Variants in EPHA5 observed in about 807,000 individuals in gnomAD.
EPHA5 encodes EPH receptor A5.
Under a neutral mutation model 105.0 loss-of-function variants are expected in EPHA5, and 60 were observed. The ratio of observed to expected loss-of-function variants is 0.57; its 90% confidence interval spans 0.46 to 0.71. The LOEUF (loss-of-function observed/expected upper bound fraction) is 0.71, where lower values mean the gene tolerates loss of function less well. Among genes scored for constraint, EPHA5 ranks in the 30% least tolerant of loss-of-function variants. The pLI is 0.00. For missense variants in EPHA5, 1,218 were observed against 1,274.7 expected (o/e 0.96, Z 0.68); for synonymous variants, 513 against 449.1 (o/e 1.14, Z -1.80).
intron 5 of EPHA5, among the ~76,000 whole-genome samples, chr4:65,424,487 G>A (rs1724233949): frequency 6.6e-6 from 1 of 151,994 alleles, no homozygotes; most frequent in African/African-American, 2.4e-5. Flanking sequence ...ATTTTTTGAA[G>A]GTTGACATCT....
intron 5 of EPHA5, among the ~76,000 whole-genome samples, chr4:65,433,324 T>C (rs1330117415): frequency 1.3e-5 from 2 of 152,154 alleles, no homozygotes; most frequent in East Asian, 3.9e-4. Flanking sequence ...AAACAAAATA[T>C]TCTAATGCCC....
intron 4 of EPHA5, among the ~76,000 whole-genome samples, chr4:65,491,524 A>G (rs1731399152): frequency 6.6e-6 from 1 of 152,112 alleles, no homozygotes; most frequent in African/African-American, 2.4e-5. Context: ...AAATAGATTT[A>G]ACACAAATAT....
chr4:65,650,559 C>CAAAAAAAAAAAAAAAAAAAAA lies in EPHA5; in HGVS notation c.182-7133_182-7132insTTTTTTTTTTTTTTTTTTTTT, dbSNP rs59357895. 5.3e-4 allele frequency among the ~76,000 whole-genome samples: 62 copies of CAAAAAAAAAAAAAAAAAAAAA among 116,984 alleles called. 1 individual carries two copies. The highest frequency in any genetic ancestry group is 1.8e-3 in the African/African-American group (48 of 27,166). 76.7% of individuals were successfully genotyped at this position (116,984 alleles called of 152,430 possible). On this transcript the variant is annotated intron_variant, in intron 1 of 16. Transcript: ENST00000613740. ...TGGGCAACAGAGTGAGACTCAGTCT[C>CAAAAAAAAAAAAAAAAAAAAA]AAAAAAAAAAAAAGAGCTAGTTGTT...
At chr4:65,553,756 C>T (rs1310852934) in intron 3 of EPHA5, among the ~76,000 whole-genome samples, 1 of 152,010 alleles carries the variant, frequency 6.6e-6, no homozygotes, top group Non-Finnish European at 1.5e-5. Context: ...ATTACATTTT[C>T]GGATGTAGGA....
chr4:65,474,928 A>G (rs1729646239), intron 5 of EPHA5, among the ~76,000 whole-genome samples: 1 of 152,210 alleles, frequency 6.6e-6, no homozygotes, highest in Non-Finnish European at 1.5e-5. Flanking sequence ...AATAGACATA[A>G]GAGCTGTTGC....
chr4:65,499,071 C>T (rs1229121999), intron 3 of EPHA5, among the ~76,000 whole-genome samples: 4 of 151,216 alleles, frequency 2.6e-5, no homozygotes, highest in African/African-American at 4.9e-5. Context: ...GTAGCATCTC[C>T]TGTTCCTTCA....
At chr4:65,495,680 T>A (rs1731861222) in intron 3 of EPHA5, 137 bp from the exon 4 acceptor site, 2 of 646,008 alleles carry the variant, frequency 3.1e-6, no homozygotes, top group South Asian at 2.7e-5. Context: ...GAAGTTTTCA[T>A]AAGCTTCTGG....
intron 3 of EPHA5, among the ~76,000 whole-genome samples, chr4:65,546,301 C>T (rs1184592803): frequency 6.6e-6 from 1 of 151,920 alleles, no homozygotes; most frequent in Non-Finnish European, 1.5e-5. Flanking sequence ...ATACACTGGA[C>T]ATTAAACATT....
rs933709774 is a variant in EPHA5, at chr4:65,320,633, T to C, written c.*3481A>G. The C allele has an allele frequency of 4.4e-6, 1 of 229,848 alleles. No homozygotes were observed. Among genetic ancestry groups the C allele is most frequent in the South Asian group, 1.8e-4 (1 of 5,502 alleles). The allele number at this position is 229,848 out of a possible 1,614,324, so 14.2% of individuals were successfully genotyped here. A position where few individuals can be genotyped will look rare whatever the true frequency, so the allele number is the denominator to read the frequency against. On this transcript the variant is annotated 3_prime_UTR_variant, in exon 17 of 17. Transcript: ENST00000613740. ...TTCTGAGAACCCACTTTACATGGCA[T>C]AAATAATGGTGTTAAAAATATTTTA... is the stretch of plus-strand genomic sequence containing the variant.
At chr4:65,347,547 G>A (rs867949386) in intron 14 of EPHA5, among the ~76,000 whole-genome samples, 1 of 151,968 alleles carries the variant, frequency 6.6e-6, no homozygotes, top group Admixed American at 6.6e-5. Flanking sequence ...TCCATTGTGG[G>A]GAAAATCTGG....
intron 3 of EPHA5, among the ~76,000 whole-genome samples, chr4:65,558,693 C>T (rs1177592059): frequency 2.0e-5 from 3 of 152,038 alleles, no homozygotes; most frequent in East Asian, 1.9e-4. Context: ...CCTCCCTCCT[C>T]CCCGCACCCC....
intron 2 of EPHA5, among the ~76,000 whole-genome samples, chr4:65,606,029 C>T (rs1744198418): frequency 6.6e-6 from 1 of 152,162 alleles, no homozygotes; most frequent in Non-Finnish European, 1.5e-5. Context: ...TGGGCATCTC[C>T]TTTGCCCATA....
rs1027512741 is a variant in EPHA5 at position 65,488,354 on chromosome 4, C to T, written c.1402+2023G>A. On this transcript the variant is annotated intron_variant, in intron 5 of 16. Transcript: ENST00000613740. ...AATGTACTTCTAAAGGAACACAACT[C>T]GGTGATTGTTCGATATGCTTACAAT... 5.3e-5 allele frequency among the ~76,000 whole-genome samples: 8 copies of T among 152,216 alleles called. No individual in the cohort carries two copies. In the South Asian group the frequency reaches 8.3e-4, roughly 16 times the overall value.
chr4:65,615,829 T>C (rs186232634), intron 2 of EPHA5, among the ~76,000 whole-genome samples: 1 of 151,994 alleles, frequency 6.6e-6, no homozygotes, highest in Admixed American at 6.5e-5. Flanking sequence ...AATACCTATA[T>C]ATTGCTGGTG....
chr4:65,331,569 A>G, intron 16 of EPHA5: 2 of 1,058,672 alleles, frequency 1.9e-6, no homozygotes, highest in Non-Finnish European at 2.3e-6. Context: ...GCCAAAATGT[A>G]CAAATATGTT....
At chr4:65,396,902 A>C (rs1415808413) in intron 8 of EPHA5, among the ~76,000 whole-genome samples, 1 of 152,170 alleles carries the variant, frequency 6.6e-6, no homozygotes, top group African/African-American at 2.4e-5. Context: ...AGTCTTTTAC[A>C]ATAGGAATCA....
chr4:65,345,581 G>T (rs980848252), intron 14 of EPHA5, among the ~76,000 whole-genome samples: 5 of 152,188 alleles, frequency 3.3e-5, no homozygotes, highest in Admixed American at 3.3e-4. Flanking sequence ...GACAGAGAGC[G>T]AGAGGAACTA....
chr4:65,494,041 C>T (rs1297527721), intron 4 of EPHA5, among the ~76,000 whole-genome samples: 1 of 152,108 alleles, frequency 6.6e-6, no homozygotes, highest in African/African-American at 2.4e-5. Context: ...CACATCCAAT[C>T]ATAGTTTATA....
At chr4:65,593,375 T>A (rs1742860868) in intron 3 of EPHA5, among the ~76,000 whole-genome samples, 1 of 152,170 alleles carries the variant, frequency 6.6e-6, no homozygotes, top group Admixed American at 6.5e-5. Context: ...CCTTATATAC[T>A]AACACGGTCC....
Sources: allele counts gnomAD v4.1 joint callset (sites outside exome capture counted in the v4.1 genomes callset), GRCh38; gene constraint gnomAD v4.1.1; transcripts MANE v1.5; gene names NCBI Gene and HGNC (gene_info 2026-07-23, HGNC 2026-07-21).